The following CCDC149 variants were observed in gnomAD, a reference collection of about 807,000 sequenced individuals.
CCDC149 encodes the protein coiled-coil domain-containing protein 149.
CCDC149 carries 45 observed loss-of-function variants against 59.9 expected under a neutral mutation model. The ratio of observed to expected loss-of-function variants is 0.75; its 90% CI spans 0.59 to 0.96. CCDC149 has a LOEUF of 0.96. CCDC149 is among the 40% of genes least tolerant of loss of function. The pLI is 0.00. For synonymous variants in CCDC149, 245 were observed against 260.6 expected, an observed-to-expected ratio of 0.94 and a Z score of 0.58; for missense variants, 584 against 664.7, an observed-to-expected ratio of 0.88 and a Z score of 1.33.
chr4:24,829,845 G>C (rs908346780), intron 9 of CCDC149: 7 of 152,316 alleles, frequency 4.6e-5, no homozygotes, highest in Non-Finnish European at 7.3e-5. Context: ...ATTTAGACAG[G>C]GTGGCTGTTG....
chr4:24,855,606 A>G (rs1717953948), intron 3 of CCDC149, among the ~76,000 whole-genome samples: 1 of 136,930 alleles, frequency 7.3e-6, no homozygotes, highest in Non-Finnish European at 1.6e-5. Context: ...AAGAAAAAAA[A>G]GAAAAACATT....
At chr4:24,868,772 C>G (rs1411717610) in intron 3 of CCDC149, among the ~76,000 whole-genome samples, 2 of 152,130 alleles carry the variant, frequency 1.3e-5, no homozygotes, top group African/African-American at 4.8e-5. Flanking sequence ...TGTCCAGATA[C>G]TTACGGACAC....
At chr4:24,820,772 G>C (rs1715340373) in intron 11 of CCDC149, among the ~76,000 whole-genome samples, 2 of 152,068 alleles carry the variant, frequency 1.3e-5, no homozygotes, top group South Asian at 4.2e-4. Flanking sequence ...TCAGATCTGG[G>C]GAGCTGCCAC....
chr4:24,946,044 G>T (rs1392253352), intron 1 of CCDC149, among the ~76,000 whole-genome samples: 1 of 152,208 alleles, frequency 6.6e-6, no homozygotes, highest in Non-Finnish European at 1.5e-5. Context: ...AAAAATAGAA[G>T]AATTTGGGTG....
At chr4:24,811,263 T>G (rs1364390779) in intron 12 of CCDC149, among the ~76,000 whole-genome samples, 1 of 152,184 alleles carries the variant, frequency 6.6e-6, no homozygotes, top group African/African-American at 2.4e-5. Flanking sequence ...CATCTTTCCT[T>G]TGCTACACTG....
intron 12 of CCDC149, among the ~76,000 whole-genome samples, chr4:24,814,535 C>G (rs977131580): frequency 1.3e-5 from 2 of 152,326 alleles, no homozygotes; most frequent in Non-Finnish European, 2.9e-5. Flanking sequence ...CCAGCAGTGG[C>G]AGCATCACCT....
intron 1 of CCDC149, among the ~76,000 whole-genome samples, chr4:24,885,117 C>G (rs1193016129): frequency 6.6e-6 from 1 of 152,084 alleles, no homozygotes; most frequent in Admixed American, 6.5e-5. Context: ...CAAGCTGTGC[C>G]CAGATAAAGC....
chr4:24,821,183 G>A (rs1047272906), intron 10 of CCDC149, 96 bp from the exon 11 acceptor site: 16 of 616,358 alleles, frequency 2.6e-5, no homozygotes, highest in Middle Eastern at 4.8e-4. Flanking sequence ...GAAAATTCTC[G>A]GCATTTGTTC....
chr4:24,955,376 T>C (rs985571189), intron 1 of CCDC149, among the ~76,000 whole-genome samples: 1 of 152,214 alleles, frequency 6.6e-6, no homozygotes, highest in Non-Finnish European at 1.5e-5. Flanking sequence ...TCACTTCTTG[T>C]AGACCCTAAC....
intron 2 of CCDC149, among the ~76,000 whole-genome samples, chr4:24,875,503 AT>A (rs34722418): frequency 0.014 from 1,987 of 144,010 alleles, 21 homozygotes; most frequent in African/African-American, 0.033. Flanking sequence ...TTCTCCATGA[AT>A]TTTTTTTTTT....
At chr4:24,818,866 C>T (rs1229276795) in intron 12 of CCDC149, among the ~76,000 whole-genome samples, 1 of 152,172 alleles carries the variant, frequency 6.6e-6, no homozygotes, top group Admixed American at 6.5e-5. Flanking sequence ...CCTGATACAA[C>T]ATGGAAGACG....
At chr4:24,813,489 A>AATATATCTATATCTATAT (rs1186488610) in intron 12 of CCDC149, among the ~76,000 whole-genome samples, 105 of 113,710 alleles carry the variant, frequency 9.2e-4, no homozygotes, top group African/African-American at 4.0e-3. Context: ...CAGCTTGGGG[A>AATATATCTATATCTATAT]ATATATATAT....
chr4:24,917,158 G>A (rs75755960), upstream of CCDC149, among the ~76,000 whole-genome samples: 274 of 152,324 alleles, frequency 1.8e-3, no homozygotes, highest in African/African-American at 5.7e-3. Context: ...TTCTGGCCGG[G>A]TTCCTGACTC....
At chr4:24,928,024 C>G (rs35541251) in intron 1 of CCDC149, among the ~76,000 whole-genome samples, 11,922 of 152,218 alleles carry the variant, frequency 0.078, 540 homozygotes, top group Admixed American at 0.13. Flanking sequence ...TATGTCTGGT[C>G]TGGGAATCTG....
chr4:24,967,774 C>G (rs1026085602), intron 1 of CCDC149, among the ~76,000 whole-genome samples: 4 of 152,038 alleles, frequency 2.6e-5, no homozygotes, highest in African/African-American at 9.6e-5. Context: ...CGGCGCCCCT[C>G]TTGCAGCAAC....
intron 1 of CCDC149, among the ~76,000 whole-genome samples, chr4:24,900,872 G>A (rs1043903104): frequency 3.3e-5 from 5 of 152,126 alleles, no homozygotes; most frequent in African/African-American, 1.2e-4. Context: ...ATAAAGGTGG[G>A]AGCCAGAATG....
At chr4:24,835,146 C>G in intron 7 of CCDC149, 114 bp from the exon 8 acceptor site, 1 of 638,956 alleles carries the variant, frequency 1.6e-6, no homozygotes, top group Non-Finnish European at 2.8e-6. Flanking sequence ...ACTCCAAGTG[C>G]TAGCCTAATA....
intron 1 of CCDC149, among the ~76,000 whole-genome samples, chr4:24,877,794 C>T (rs1719555292): frequency 6.6e-6 from 1 of 152,124 alleles, no homozygotes. Flanking sequence ...TCCCTCTGCT[C>T]ACTCTCCTGC....
chr4:24,864,040 T>C lies in CCDC149; in HGVS notation c.264+9641A>G, dbSNP rs73103237. Among the ~76,000 whole-genome samples the C allele has an allele frequency of 7.0e-3, 1,059 of 152,362 alleles. 14 individuals are homozygous for C. Among genetic ancestry groups the C allele is most frequent in the African/African-American group, 0.024 (1,014 of 41,588 alleles). On this transcript the variant is annotated intron_variant, in intron 3 of 12. Coordinates refer to ENST00000635206, the MANE Select transcript of CCDC149 (RefSeq NM_001330643.2). Reference sequence around the variant, plus strand: ...AAAGAGTGCCTTGCTGAGAGATCTTTTGTCTCGGTGCTGACTTTTCTTCAT... The same window carrying C: ...AAAGAGTGCCTTGCTGAGAGATCTTCTGTCTCGGTGCTGACTTTTCTTCAT...
Sources: allele counts gnomAD v4.1 joint callset (sites outside exome capture counted in the v4.1 genomes callset), GRCh38; gene constraint gnomAD v4.1.1; transcripts MANE v1.5; gene names NCBI Gene and HGNC (gene_info 2026-07-23, HGNC 2026-07-21).